Variants in NLGN3 observed in about 807,000 individuals in gnomAD.
The protein encoded by NLGN3 is neuroligin-3.
A neutral mutation model predicts 42.9 loss-of-function variants in NLGN3; 11 were observed. The ratio of observed to expected loss-of-function variants is 0.26; its 90% CI spans 0.16 to 0.42. The LOEUF is 0.42. Ranked by LOEUF, NLGN3 falls within the 10% of genes least tolerant of loss-of-function variation. The probability of loss-of-function intolerance (pLI) is 1.00; values close to 1 mark genes in which losing one functional copy is unlikely to be tolerated. For missense variants in NLGN3, 374 were observed against 733.8 expected, an observed-to-expected ratio of 0.51 and a Z score of 5.67; for synonymous variants, 279 against 312.7, an observed-to-expected ratio of 0.89 and a Z score of 1.14.
chrX:71,148,785 G>A, intron 2 of NLGN3, 61 bp from the exon 3 acceptor site: 4 of 1,043,209 alleles, frequency 3.8e-6, no homozygotes, highest in Non-Finnish European at 3.9e-6. Flanking sequence ...TGGGGGGTGG[G>A]GGGTGCATGC....
At chrX:71,173,164 A>G (rs1279666026), downstream of NLGN3, among the ~76,000 whole-genome samples, 1 of 110,476 alleles carries the variant, frequency 9.1e-6, no homozygotes, top group African/African-American at 3.3e-5. Context: ...CCTATTTGAG[A>G]CCATACCTGG....
At chrX:71,163,821 G>C (rs919100595) in intron 5 of NLGN3, among the ~76,000 whole-genome samples, 21 of 111,861 alleles carry the variant, frequency 1.9e-4, no homozygotes, top group Middle Eastern at 4.6e-3. Flanking sequence ...GTCCCCAATA[G>C]TACATCAGGG....
At position 71,155,077 on chromosome X, in the gene NLGN3, G is replaced by A. The variant is rs771323602; in HGVS notation, c.578-137G>A. On this transcript the variant is annotated intron_variant, in intron 4 of 7. Transcript: ENST00000358741. ...TGAGCTCCAGGTTGAGCAACCCCATGAGTCCTGCCCTCAGGGATGGCGGTG... is the reference window on the plus strand; with the variant it reads ...TGAGCTCCAGGTTGAGCAACCCCATAAGTCCTGCCCTCAGGGATGGCGGTG... 7 of 655,754 alleles carry A rather than the reference G, an allele frequency of 1.1e-5. No individual in the cohort carries two copies. In the South Asian group the frequency reaches 1.7e-4, roughly 16 times the overall value. The allele number at this position is 655,754 out of a possible 1,213,427, so 54.0% of individuals were successfully genotyped here.
At chrX:71,156,964 T>C (rs1189736602) in intron 5 of NLGN3, among the ~76,000 whole-genome samples, 1 of 110,832 alleles carries the variant, frequency 9.0e-6, no homozygotes, top group Non-Finnish European at 1.9e-5. Flanking sequence ...GGTAAACGAG[T>C]GCCTCAGAGA....
chrX:71,168,822 AAAGAAAG>A lies in NLGN3; in HGVS notation c.1704-429_1704-423del, dbSNP rs1232663648. ...AGAGAAAGAAAGAAAGAGAAAAAAA[AAAGAAAG>A]AAAGAAAGAAAGAAAGAAAGAAAGA... is the stretch of plus-strand genomic sequence containing the variant. On this transcript the variant is annotated intron_variant, in intron 7 of 7. Transcript: ENST00000358741. 1.0e-3 allele frequency among the ~76,000 whole-genome samples: 13 copies of A among 12,936 alleles called. No homozygotes were observed. In the East Asian group the frequency reaches 0.022, roughly 22 times the overall value. 11.2% of individuals were successfully genotyped at this position (12,936 alleles called of 115,157 possible). A position where few individuals can be genotyped will look rare whatever the true frequency, so the allele number is the denominator to read the frequency against.
downstream of NLGN3, among the ~76,000 whole-genome samples, chrX:71,172,208 C>T (rs2092472373): frequency 9.0e-6 from 1 of 111,128 alleles, no homozygotes; most frequent in Non-Finnish European, 1.9e-5. Context: ...TGGTTTTTCC[C>T]CCTCCTTTCC....
intron 5 of NLGN3, among the ~76,000 whole-genome samples, chrX:71,161,633 G>T (rs1280861079): frequency 9.0e-6 from 1 of 110,591 alleles, no homozygotes; most frequent in Non-Finnish European, 1.9e-5. Flanking sequence ...AATTAGCCAG[G>T]CATGGTGGCA....
chrX:71,169,756 C>G lies in NLGN3; in HGVS notation c.2206C>G (p.Arg736Gly), dbSNP rs755217779. The change falls in exon 8 of 8, where the codon CGG becomes GGG. Residue 736 changes from arginine to glycine, a missense_variant. Physicochemically the swap from Arg to Gly is moderately radical, Grantham distance 125. Transcript: ENST00000358741. ...FAALYYRKDK[R>G]RQEPLRQPSP... ...TGCCCTCTACTACCGTAAGGACAAA[C>G]GGCGCCAGGAGCCCCTGCGGCAGCC... The G allele has an allele frequency of 3.3e-6, 4 of 1,211,638 alleles. No homozygotes were observed. Among genetic ancestry groups the G allele is most frequent in the East Asian group, 5.9e-5 (2 of 33,846 alleles).
chrX:71,146,151 T>TCACA (rs1400594479), intron 1 of NLGN3, among the ~76,000 whole-genome samples: 14 of 31,061 alleles, frequency 4.5e-4, no homozygotes, highest in South Asian at 1.7e-3. Context: ...TCTCTCTCTC[T>TCACA]CTCACACACA....
chrX:71,148,952 T>A, intron 3 of NLGN3, 47 bp downstream of exon 3: 1 of 824,495 alleles, frequency 1.2e-6, no homozygotes, highest in Non-Finnish European at 1.7e-6. Context: ...GAGGGAGGGC[T>A]GCCTGCCCAC....
intron 5 of NLGN3, among the ~76,000 whole-genome samples, chrX:71,162,960 T>C (rs1222598376): frequency 8.9e-6 from 1 of 111,853 alleles, no homozygotes; most frequent in Non-Finnish European, 1.9e-5. Flanking sequence ...CAAAGACTTC[T>C]TCCAAAAGCC....
At chrX:71,168,806 AAG>A (rs1247335204) in intron 7 of NLGN3, among the ~76,000 whole-genome samples, 1 of 71,871 alleles carries the variant, frequency 1.4e-5, no homozygotes, top group Non-Finnish European at 2.2e-5. Flanking sequence ...GAGAGAAAGA[AAG>A]AAAGAGAAAA....
chrX:71,171,596 G>C (rs1003054770), downstream of NLGN3: 7 of 630,706 alleles, frequency 1.1e-5, no homozygotes, highest in Non-Finnish European at 1.3e-5. Flanking sequence ...TTGGACTGGG[G>C]GCTGGGAGGA....
chrX:71,171,985 G>A (rs1382837530), downstream of NLGN3, among the ~76,000 whole-genome samples: 1 of 111,796 alleles, frequency 8.9e-6, no homozygotes, highest in Non-Finnish European at 1.9e-5. Context: ...AAATGACCCT[G>A]ATAAAATGAG....
chrX:71,170,674 C>G lies in NLGN3; in HGVS notation c.*577C>G. 3.9e-6 allele frequency: 3 copies of G among 767,510 alleles called. No homozygotes were observed. The highest frequency in any genetic ancestry group is 1.2e-4 in the South Asian group (2 of 16,254). The allele number at this position is 767,510 out of a possible 1,213,427, so 63.3% of individuals were successfully genotyped here. A position where few individuals can be genotyped will look rare whatever the true frequency, so the allele number is the denominator to read the frequency against. ...CCCGAAGGTCTCTCTGGCTCTAGGA[C>G]CCCCAGTGCTCACACAATCAGACCA... On this transcript the variant is annotated 3_prime_UTR_variant, in exon 8 of 8. Transcript: ENST00000358741.
chrX:71,165,742 C>T (rs1170490958), intron 6 of NLGN3, among the ~76,000 whole-genome samples: 1 of 110,858 alleles, frequency 9.0e-6, no homozygotes, highest in African/African-American at 3.3e-5. Flanking sequence ...CCATGTTGCC[C>T]AGGCTGGTCT....
rs1394706231 is a variant in NLGN3, at chrX:71,168,798, GAGAA to G, written c.1704-444_1704-441del. 1.3e-4 allele frequency among the ~76,000 whole-genome samples: 9 copies of G among 68,304 alleles called. No homozygotes were observed. In the East Asian group the frequency reaches 1.9e-3, roughly 14 times the overall value. The allele number at this position is 68,304 out of a possible 115,157, so 59.3% of individuals were successfully genotyped here. A position where few individuals can be genotyped will look rare whatever the true frequency, so the allele number is the denominator to read the frequency against. On this transcript the variant is annotated intron_variant, in intron 7 of 7. Transcript: ENST00000358741. ...AAAAGGGAAGAAAGAAAGAAAGAGA[GAGAA>G]AGAAAGAAAGAGAAAAAAAAAAGAA...
Position 71,147,756 on chromosome X carries a change from C to T in NLGN3, c.7C>T (p.Leu3=). Residue 3 remains leucine, a synonymous_variant, in exon 2 of 8, where the codon CTG becomes TTG. Transcript: ENST00000358741. The part of the protein sequence containing the change: MW[L]RLGPPSLSLS... Reference sequence around the variant, plus strand: ...CAGTCCCCCTGCCCGGAACATGTGGCTGCGGCTTGGCCCGCCCTCGCTGTC... The same window carrying T: ...CAGTCCCCCTGCCCGGAACATGTGGTTGCGGCTTGGCCCGCCCTCGCTGTC... The T allele has an allele frequency of 8.3e-7, 1 of 1,206,145 alleles. No homozygotes were observed. Among genetic ancestry groups the T allele is most frequent in the Non-Finnish European group, 1.1e-6 (1 of 893,406 alleles).
At chrX:71,168,860 A>AGAAG (rs2092459299) in intron 7 of NLGN3, among the ~76,000 whole-genome samples, 1 of 89,817 alleles carries the variant, frequency 1.1e-5, no homozygotes, top group African/African-American at 6.0e-5. Flanking sequence ...AAAGAAAGAA[A>AGAAG]GAAAGAAAGA....
Sources: gnomAD v4.1 joint callset for allele counts (sites outside exome capture counted in the v4.1 genomes callset) on GRCh38, gnomAD v4.1.1 for gene constraint, MANE v1.5 for transcripts, NCBI Gene and HGNC (gene_info 2026-07-23, HGNC 2026-07-21) for gene names.